The following RIPOR2 variants were observed in gnomAD, a reference collection of about 807,000 sequenced individuals.
RIPOR2 encodes the protein RHO family interacting cell polarization regulator 2.
Under a neutral mutation model 114.5 loss-of-function variants are expected in RIPOR2, and 39 were observed. That is an observed-to-expected ratio of 0.34 (90% CI 0.26 to 0.44). The LOEUF (loss-of-function observed/expected upper bound fraction) is 0.44. RIPOR2 is among the 20% of genes least tolerant of loss of function. The pLI, the probability that RIPOR2 is intolerant of heterozygous loss-of-function variation, is 1.00. For missense variants in RIPOR2, 1,007 were observed against 1,255.1 expected (o/e 0.80, Z 2.99); for synonymous variants, 445 against 484.4 (o/e 0.92, Z 1.07).
chr6:24,881,768 A>T (rs1766378371), intron 1 of RIPOR2, among the ~76,000 whole-genome samples: 1 of 152,144 alleles, frequency 6.6e-6, no homozygotes, highest in Non-Finnish European at 1.5e-5. Flanking sequence ...TGACCCAAAC[A>T]CCTGGTGTCT....
At chr6:24,949,707 G>A (rs1263813113) in intron 1 of RIPOR2, among the ~76,000 whole-genome samples, 1 of 152,212 alleles carries the variant, frequency 6.6e-6, no homozygotes, top group Non-Finnish European at 1.5e-5. Context: ...GGGGCGCAGG[G>A]CTCACTAGCC....
In RIPOR2 at chr6:24,875,713, C is replaced by T. The variant is rs761300748; in HGVS notation, c.166G>A (p.Gly56Ser). The part of the protein sequence containing the change: ...IRSQSFAGFS[G>S]LQERRSRCNS... The stretch of plus-strand genomic sequence containing the variant: ...TGCCTGGATCGCCTTTCCTGGAGGC[C>T]GCTGAAACCCGCAAAGGACTGGCTT... Residue 56 changes from glycine to serine, a missense_variant, in exon 2 of 22, where the codon GGC becomes AGC. Transcript: ENST00000643898. 19 of 1,613,192 alleles carry T rather than the reference C, an allele frequency of 1.2e-5. No homozygotes were observed. Among genetic ancestry groups the T allele is most frequent in the Middle Eastern group, 1.7e-4 (1 of 6,040 alleles).
chr6:24,917,979 C>T (rs1358119285), intron 1 of RIPOR2, among the ~76,000 whole-genome samples: 1 of 152,204 alleles, frequency 6.6e-6, no homozygotes, highest in Non-Finnish European at 1.5e-5. Context: ...GGGTCTGATG[C>T]AGTCCCTGGT....
chr6:24,967,833 G>A (rs1383234989), intron 1 of RIPOR2, among the ~76,000 whole-genome samples: 1 of 151,904 alleles, frequency 6.6e-6, no homozygotes, highest in Non-Finnish European at 1.5e-5. Context: ...AAGTATCTGG[G>A]ACTTGAGTTG....
At chr6:24,876,400 A>G (rs574314618) in intron 1 of RIPOR2, among the ~76,000 whole-genome samples, 68 of 152,236 alleles carry the variant, frequency 4.5e-4, no homozygotes, top group African/African-American at 1.6e-3. Context: ...GTTCAACCAC[A>G]CCCTCAAAAA....
At position 24,865,444 on chromosome 6, in the gene RIPOR2, C is replaced by T; in HGVS notation, c.508G>A (p.Glu170Lys). The change falls in exon 7 of 22, where the codon GAA becomes AAA. Residue 170 changes from glutamate (E) to lysine (K), a missense_variant. By Grantham distance (56) the Glu-to-Lys change is moderately conservative. Coordinates refer to ENST00000643898, the MANE Select transcript of RIPOR2 (RefSeq NM_001286445.3). ...RLEFHISKVD[E>K]LYEAYCIQRR... ...TGGATACAATAAGCTTCATAGAGTT[C>T]ATCTACCTGCCAGAATCAAAACAGG... The T allele has an allele frequency of 6.2e-7, 1 of 1,603,910 alleles. No individual in the cohort carries two copies. The highest frequency in any genetic ancestry group is 1.1e-5 in the South Asian group (1 of 89,536).
At chr6:24,840,009 G>A (rs550760609) in intron 13 of RIPOR2, 12 of 893,254 alleles carry the variant, frequency 1.3e-5, no homozygotes, top group Admixed American at 7.2e-5. Context: ...GAGTGCAGTG[G>A]TGTGATCACA....
intron 1 of RIPOR2, among the ~76,000 whole-genome samples, chr6:25,008,314 C>A (rs984373106): frequency 2.6e-5 from 4 of 152,160 alleles, no homozygotes; most frequent in African/African-American, 9.7e-5. Context: ...CCGTGCCCAG[C>A]TAAGTTAAGG....
chr6:24,921,393 A>G (rs1393199453), intron 1 of RIPOR2, among the ~76,000 whole-genome samples: 2 of 151,228 alleles, frequency 1.3e-5, no homozygotes, highest in African/African-American at 4.9e-5. Context: ...CAAATACCTG[A>G]TCTCAAGTGA....
chr6:24,873,005 A>C, intron 3 of RIPOR2, 46 bp from the exon 4 acceptor site: 3 of 1,315,982 alleles, frequency 2.3e-6, no homozygotes, highest in Non-Finnish European at 3.3e-6. Context: ...GCGCCTGTTA[A>C]GTGGAATCTG....
intron 1 of RIPOR2, among the ~76,000 whole-genome samples, chr6:24,958,250 G>A (rs985284042): frequency 1.3e-5 from 2 of 152,272 alleles, no homozygotes; most frequent in East Asian, 1.9e-4. Flanking sequence ...ACTAAATAAT[G>A]TTGACATGTG....
chr6:24,945,911 A>G (rs564254944), intron 1 of RIPOR2, among the ~76,000 whole-genome samples: 107 of 152,230 alleles, frequency 7.0e-4, no homozygotes, highest in African/African-American at 2.5e-3. Flanking sequence ...TAAATAAAAT[A>G]TGAATATTTT....
upstream of RIPOR2, among the ~76,000 whole-genome samples, chr6:24,936,936 A>G (rs1483656939): frequency 6.6e-6 from 1 of 152,186 alleles, no homozygotes; most frequent in African/African-American, 2.4e-5. Context: ...TATTTACTGC[A>G]TGGTTTTGAA....
Position 25,025,923 on chromosome 6 carries a change from C to T in RIPOR2, c.76+15928G>A, listed in dbSNP as rs180921945. ...TGTGATACATTGATGAGCTTCTTCACGACTCCAAGGGATGATTTGTTTGTG... is the reference window on the plus strand; with the variant it reads ...TGTGATACATTGATGAGCTTCTTCATGACTCCAAGGGATGATTTGTTTGTG... On this transcript the variant is annotated intron_variant, in intron 1 of 13. Transcript: ENST00000510784. Among the ~76,000 whole-genome samples, 8 of 152,232 alleles carry T rather than the reference C, an allele frequency of 5.3e-5. No homozygotes were observed. In the East Asian group the frequency reaches 7.7e-4, roughly 15 times the overall value.
intron 1 of RIPOR2, among the ~76,000 whole-genome samples, chr6:24,970,500 A>G (rs561134968): frequency 1.3e-5 from 2 of 152,202 alleles, no homozygotes; most frequent in Admixed American, 6.5e-5. Context: ...ACCTTCTCTG[A>G]CTCCAGGCCT....
At chr6:24,872,609 AT>A (rs1326503867) in intron 4 of RIPOR2, among the ~76,000 whole-genome samples, 2 of 152,132 alleles carry the variant, frequency 1.3e-5, no homozygotes, top group Non-Finnish European at 2.9e-5. Context: ...GACATTAAAA[AT>A]TTTTTTCCTG....
intron 15 of RIPOR2, among the ~76,000 whole-genome samples, chr6:24,832,667 T>C (rs2113687625): frequency 6.6e-6 from 1 of 152,344 alleles, no homozygotes; most frequent in South Asian, 2.1e-4. Context: ...TTCCCTTTTA[T>C]GTATTGTGAA....
At position 24,907,186 on chromosome 6, in the gene RIPOR2, T is replaced by C. The variant is rs1769084662; in HGVS notation, c.61+28652A>G. Among the ~76,000 whole-genome samples, 3 of 152,262 alleles carry C rather than the reference T, an allele frequency of 2.0e-5. No individual in the cohort carries two copies. In the South Asian group the frequency reaches 6.2e-4, roughly 31 times the overall value. On this transcript the variant is annotated intron_variant, in intron 1 of 21. Coordinates refer to ENST00000643898, the MANE Select transcript of RIPOR2 (RefSeq NM_001286445.3). ...TCCTTGGTCTGGTAGAGAACTCATTTTGATCTAATGGAACACAACATAGAA... is the reference window on the plus strand; with the variant it reads ...TCCTTGGTCTGGTAGAGAACTCATTCTGATCTAATGGAACACAACATAGAA...
intron 1 of RIPOR2, among the ~76,000 whole-genome samples, chr6:24,983,781 A>AG (rs1774412769): frequency 6.8e-6 from 1 of 146,924 alleles, no homozygotes; most frequent in Non-Finnish European, 1.5e-5. Flanking sequence ...AAAAAAAAAA[A>AG]GCCTTGAGTA....
Sources: allele counts gnomAD v4.1 joint callset (sites outside exome capture counted in the v4.1 genomes callset), GRCh38; gene constraint gnomAD v4.1.1; transcripts MANE v1.5; gene names NCBI Gene and HGNC (gene_info 2026-07-23, HGNC 2026-07-21).